The following RIPOR2 variants were observed in gnomAD, a reference collection of about 807,000 sequenced individuals.
RIPOR2 encodes the protein rho family-interacting cell polarization regulator 2.
A neutral mutation model predicts 114.5 loss-of-function variants in RIPOR2; 39 were observed. The observed-to-expected ratio is 0.34, with a 90% CI of 0.26 to 0.44. The LOEUF (loss-of-function observed/expected upper bound fraction) is 0.44. Ranked by LOEUF, RIPOR2 falls within the 20% of genes least tolerant of loss-of-function variation. The pLI is 1.00. For missense variants in RIPOR2, 1,007 were observed against 1,255.1 expected (o/e 0.80, Z 2.99); for synonymous variants, 445 against 484.4 (o/e 0.92, Z 1.07).
At chr6:24,918,352 T>G (rs1217286754) in intron 1 of RIPOR2, among the ~76,000 whole-genome samples, 1 of 152,266 alleles carries the variant, frequency 6.6e-6, no homozygotes, top group East Asian at 1.9e-4. Flanking sequence ...TTTTATCCAG[T>G]CATTCATATT....
intron 2 of RIPOR2, 114 bp from the exon 3 acceptor site, chr6:24,873,913 A>T: frequency 1.1e-6 from 1 of 912,962 alleles, no homozygotes; most frequent in Non-Finnish European, 1.6e-6. Context: ...TTCTTCTGTC[A>T]TCCAGGCTGG....
At chr6:24,916,883 T>A (rs1337559946) in intron 1 of RIPOR2, among the ~76,000 whole-genome samples, 2 of 152,128 alleles carry the variant, frequency 1.3e-5, no homozygotes, top group South Asian at 2.1e-4. Context: ...CAAATTATCT[T>A]AAGCCTAAAC....
intron 1 of RIPOR2, among the ~76,000 whole-genome samples, chr6:24,947,704 T>C (rs1305529002): frequency 8.0e-6 from 1 of 125,742 alleles, no homozygotes; most frequent in Non-Finnish European, 1.6e-5. Flanking sequence ...AAATAAAGGA[T>C]GGGGAGGAGA....
intron 1 of RIPOR2, among the ~76,000 whole-genome samples, chr6:24,911,847 T>A (rs1470623380): frequency 6.6e-6 from 1 of 152,170 alleles, no homozygotes; most frequent in Non-Finnish European, 1.5e-5. Flanking sequence ...GTGATCATAA[T>A]GAATAAATTG....
intron 8 of RIPOR2, among the ~76,000 whole-genome samples, chr6:24,855,348 G>T (rs916362610): frequency 5.3e-5 from 8 of 151,510 alleles, no homozygotes; most frequent in Non-Finnish European, 1.0e-4. Context: ...CTTAGCACTG[G>T]GTGGAATGAT....
chr6:24,988,092 A>G (rs1774614054), intron 1 of RIPOR2, among the ~76,000 whole-genome samples: 1 of 152,266 alleles, frequency 6.6e-6, no homozygotes. Context: ...TCATGAAGGT[A>G]GAGCTTAACC....
At chr6:24,882,324 G>A (rs938002420) in intron 1 of RIPOR2, among the ~76,000 whole-genome samples, 1 of 152,236 alleles carries the variant, frequency 6.6e-6, no homozygotes, top group Non-Finnish European at 1.5e-5. Flanking sequence ...ATTAAAGTAA[G>A]AATCCTGGTT....
At chr6:24,898,022 G>A (rs1768059012) in intron 1 of RIPOR2, among the ~76,000 whole-genome samples, 1 of 151,118 alleles carries the variant, frequency 6.6e-6, no homozygotes, top group Admixed American at 6.6e-5. Flanking sequence ...AGACCCTGAA[G>A]AAAGAAAGAA....
At chr6:24,866,807 G>A (rs1001394251) in intron 6 of RIPOR2, among the ~76,000 whole-genome samples, 2 of 152,054 alleles carry the variant, frequency 1.3e-5, no homozygotes, top group Admixed American at 6.6e-5. Context: ...CTGTTGCTTT[G>A]GGGAGGCATA....
chr6:24,903,640 T>C lies in RIPOR2; in HGVS notation c.62-27823A>G, dbSNP rs113358492. Among the ~76,000 whole-genome samples, 960 of 152,188 alleles carry C rather than the reference T, an allele frequency of 6.3e-3. 6 individuals are homozygous for C. The highest frequency in any genetic ancestry group is 0.021 in the African/African-American group (887 of 41,472). ...TATGGGTACACAGTAGGTGTGTATA[T>C]TTAGGGGTTACATGAGACATTTTGA... On this transcript the variant is annotated intron_variant, in intron 1 of 21. Coordinates refer to ENST00000643898, the MANE Select transcript of RIPOR2 (RefSeq NM_001286445.3).
intron 1 of RIPOR2, among the ~76,000 whole-genome samples, chr6:24,927,215 C>CCAT (rs142818729): frequency 0.25 from 174 of 692 alleles, 74 homozygotes; most frequent in African/African-American, 0.32. Flanking sequence ...ACCACCACCA[C>CCAT]CACTACCACC....
At position 24,973,481 on chromosome 6, in the gene RIPOR2, C is replaced by G. The variant is rs912815446; in HGVS notation, c.76+68370G>C. 5.3e-5 allele frequency among the ~76,000 whole-genome samples: 8 copies of G among 151,808 alleles called. No individual in the cohort carries two copies. The South Asian group carries it at 1.7e-3, about 32-fold the overall frequency. On this transcript the variant is annotated intron_variant, in intron 1 of 13. Transcript: ENST00000510784. ...ATTAGATGGGTGTGGTGGCGTGCGTCTGCTACTTGGGAGGCTGAGGCAGGA... is the reference window on the plus strand; with the variant it reads ...ATTAGATGGGTGTGGTGGCGTGCGTGTGCTACTTGGGAGGCTGAGGCAGGA...
intron 13 of RIPOR2, chr6:24,840,716 AGTGATCTCC>A: frequency 6.5e-7 from 1 of 1,535,356 alleles, no homozygotes; most frequent in Non-Finnish European, 8.7e-7. Context: ...ATTCACCCTC[AGTGATCTCC>A]GTCCAAGAGG....
chr6:25,015,170 C>T (rs1197654327), intron 1 of RIPOR2: 1 of 152,208 alleles, frequency 6.6e-6, no homozygotes, highest in Non-Finnish European at 1.5e-5. Flanking sequence ...TTTAGAGCTT[C>T]ATCATTCATG....
Position 24,883,377 on chromosome 6 carries a change from A to G in RIPOR2, c.62-7560T>C, listed in dbSNP as rs1287439416. Reference sequence around the variant, plus strand: ...CCCTCTGAGACAAGACAATTGACCCATAGATCAGTTGGCTGTAGCTGGGGT... The same window carrying G: ...CCCTCTGAGACAAGACAATTGACCCGTAGATCAGTTGGCTGTAGCTGGGGT... On this transcript the variant is annotated intron_variant, in intron 1 of 21. Transcript: ENST00000643898. This position sits in a 1 kb window ranked among gnomAD's most constrained non-coding sequence, Gnocchi z 4.1. Among the ~76,000 whole-genome samples, 2 of 152,222 alleles carry G rather than the reference A, an allele frequency of 1.3e-5. No individual in the cohort carries two copies. Among genetic ancestry groups the G allele is most frequent in the Non-Finnish European group, 2.9e-5 (2 of 68,030 alleles).
At chr6:24,866,940 C>T (rs1020088998) in intron 6 of RIPOR2, among the ~76,000 whole-genome samples, 4 of 152,064 alleles carry the variant, frequency 2.6e-5, no homozygotes, top group Non-Finnish European at 5.9e-5. Flanking sequence ...TTAAGAGTCC[C>T]GTTTTGTTCT....
At chr6:24,899,214 T>C (rs1180031560) in intron 1 of RIPOR2, among the ~76,000 whole-genome samples, 2 of 152,024 alleles carry the variant, frequency 1.3e-5, no homozygotes, top group African/African-American at 4.8e-5. Flanking sequence ...AATCTTGATA[T>C]AGGAAATAAT....
chr6:24,830,501 C>G lies in RIPOR2; in HGVS notation c.2506+8G>C. 1 of 1,549,680 alleles carries G rather than the reference C, an allele frequency of 6.5e-7. No individual in the cohort carries two copies. Among genetic ancestry groups the G allele is most frequent in the Non-Finnish European group, 8.7e-7 (1 of 1,146,514 alleles). ...GACAGAAATTCTCTCTCTACTGCTG[C>G]CTCATACCTGGGTCTGCAAGTCCTG... is the stretch of plus-strand genomic sequence containing the variant. On this transcript the variant is annotated splice_region_variant and intron_variant, in intron 17 of 21. Transcript: ENST00000643898.
intron 1 of RIPOR2, among the ~76,000 whole-genome samples, chr6:24,879,498 T>A (rs774428171): frequency 6.6e-5 from 10 of 152,228 alleles, no homozygotes; most frequent in Non-Finnish European, 1.0e-4. Context: ...AGAGCTGATT[T>A]AGGCTGAGAT....
Sources: allele counts gnomAD v4.1 joint callset (sites outside exome capture counted in the v4.1 genomes callset), GRCh38; gene constraint gnomAD v4.1.1; non-coding constraint Gnocchi (gnomAD v3.1); transcripts MANE v1.5; gene names NCBI Gene and HGNC (gene_info 2026-07-23, HGNC 2026-07-21).